ADGRB3: variants seen among roughly 807,000 people sequenced by gnomAD.
ADGRB3 encodes brain-specific angiogenesis inhibitor 3.
A neutral mutation model predicts 193.4 loss-of-function variants in ADGRB3; 37 were observed. The ratio of observed to expected loss-of-function variants is 0.19; its 90% CI spans 0.15 to 0.25. The LOEUF (loss-of-function observed/expected upper bound fraction) is 0.25, where lower values mean the gene tolerates loss of function less well. Ranked by LOEUF, ADGRB3 falls within the 10% of genes least tolerant of loss-of-function variation. ADGRB3 has a pLI of 1.00. For synonymous variants in ADGRB3, 690 were observed against 644.2 expected, an observed-to-expected ratio of 1.07 and a Z score of -1.08; for missense variants, 1,637 against 1,852.9, an observed-to-expected ratio of 0.88 and a Z score of 2.14.
chr6:69,089,009 AAGG>A (rs1257075340), intron 17 of ADGRB3, among the ~76,000 whole-genome samples: 4 of 152,230 alleles, frequency 2.6e-5, no homozygotes, highest in African/African-American at 9.6e-5. Context: ...AGGTTTAGAA[AAGG>A]AGGTTTGCAG....
At chr6:68,753,254 C>G (rs1766236406) in intron 3 of ADGRB3, among the ~76,000 whole-genome samples, 1 of 152,126 alleles carries the variant, frequency 6.6e-6, no homozygotes, top group Admixed American at 6.6e-5. Flanking sequence ...ATCTATTCTC[C>G]ATAGGAGATT....
chr6:68,980,015 T>C (rs1768862284), intron 10 of ADGRB3, among the ~76,000 whole-genome samples: 1 of 151,322 alleles, frequency 6.6e-6, no homozygotes, highest in Admixed American at 6.6e-5. Flanking sequence ...CTCCTAAATT[T>C]ATTGGACAGG....
chr6:68,898,843 G>A (rs548934025), intron 3 of ADGRB3, among the ~76,000 whole-genome samples: 1 of 152,192 alleles, frequency 6.6e-6, no homozygotes, highest in African/African-American at 2.4e-5. Context: ...GCAAATTCCA[G>A]TTGAGAAAAT....
At chr6:68,978,568 C>A (rs942058702) in intron 10 of ADGRB3, among the ~76,000 whole-genome samples, 1 of 151,458 alleles carries the variant, frequency 6.6e-6, no homozygotes, top group Non-Finnish European at 1.5e-5. Context: ...ACATCAGCCT[C>A]ATCATCCACA....
intron 20 of ADGRB3, among the ~76,000 whole-genome samples, chr6:69,317,460 A>T: frequency 6.6e-6 from 1 of 151,468 alleles, no homozygotes; most frequent in East Asian, 1.9e-4. Flanking sequence ...GACAATGCTG[A>T]GCTGTGTTGG....
chr6:68,801,442 C>G (rs1275476342), intron 3 of ADGRB3, among the ~76,000 whole-genome samples: 1 of 152,072 alleles, frequency 6.6e-6, no homozygotes, highest in East Asian at 1.9e-4. Flanking sequence ...AATCCCAGCA[C>G]TATGGGAGGC....
chr6:69,282,879 T>C (rs1767465707), intron 20 of ADGRB3, among the ~76,000 whole-genome samples: 2 of 152,176 alleles, frequency 1.3e-5, no homozygotes, highest in Admixed American at 1.3e-4. Context: ...CAAAGCTTGA[T>C]AAGATACCTG....
intron 3 of ADGRB3, among the ~76,000 whole-genome samples, chr6:68,793,582 G>A (rs1329698854): frequency 6.6e-6 from 1 of 152,094 alleles, no homozygotes; most frequent in African/African-American, 2.4e-5. Context: ...AGGCTAGAGT[G>A]CAGTGGCACG....
At chr6:69,053,193 T>A (rs1266734597) in intron 15 of ADGRB3, among the ~76,000 whole-genome samples, 1 of 151,702 alleles carries the variant, frequency 6.6e-6, no homozygotes, top group Non-Finnish European at 1.5e-5. Flanking sequence ...TAAAAAAAAA[T>A]GTATAGAACC....
intron 3 of ADGRB3, among the ~76,000 whole-genome samples, chr6:68,843,868 A>G (rs1469239126): frequency 1.3e-5 from 2 of 152,152 alleles, no homozygotes; most frequent in African/African-American, 2.4e-5. Flanking sequence ...AAACAAATCC[A>G]TACACCTACA....
chr6:69,002,320 G>A (rs2150279514), intron 11 of ADGRB3, among the ~76,000 whole-genome samples: 1 of 151,444 alleles, frequency 6.6e-6, no homozygotes, highest in African/African-American at 2.4e-5. Context: ...CCTGGTTCAA[G>A]CGATTCTCCT....
chr6:68,956,699 A>G lies in ADGRB3; in HGVS notation c.1415A>G (p.Asp472Gly). The change falls in exon 8 of 32, where the codon GAT (aspartate) becomes GGT (glycine). Residue 472 changes from aspartate to glycine, a missense_variant. Coordinates refer to ENST00000370598, the MANE Select transcript of ADGRB3 (RefSeq NM_001704.3). ...GHWSGCSKSCDGGWERRIRTC... is the reference protein window; with the variant it reads ...GHWSGCSKSCGGGWERRIRTC... ...TGGAGTGGTTGTTCCAAGTCCTGTG[A>G]TGGCGGCTGGGAAAGGCGAATAAGG... 1 of 1,614,042 alleles carries G rather than the reference A, an allele frequency of 6.2e-7. No individual in the cohort carries two copies. The highest frequency in any genetic ancestry group is 8.5e-7 in the Non-Finnish European group (1 of 1,179,978).
At chr6:68,992,883 C>A (rs1217421130) in intron 10 of ADGRB3, among the ~76,000 whole-genome samples, 1 of 150,416 alleles carries the variant, frequency 6.6e-6, no homozygotes, top group African/African-American at 2.5e-5. Context: ...CACTATTTCT[C>A]TGGCCTGTTA....
At chr6:68,889,795 C>T (rs1049339250) in intron 3 of ADGRB3, among the ~76,000 whole-genome samples, 45 of 152,112 alleles carry the variant, frequency 3.0e-4, no homozygotes, top group African/African-American at 4.8e-5. Flanking sequence ...AGCCACCATG[C>T]CTGGCCTAAG....
intron 17 of ADGRB3, among the ~76,000 whole-genome samples, chr6:69,088,908 T>A (rs1772628258): frequency 2.6e-5 from 4 of 152,240 alleles, no homozygotes; most frequent in Admixed American, 2.6e-4. Context: ...GAAATTATTT[T>A]CATAATTACT....
chr6:68,838,365 T>A (rs1252183913), intron 3 of ADGRB3, among the ~76,000 whole-genome samples: 1 of 152,218 alleles, frequency 6.6e-6, no homozygotes, highest in African/African-American at 2.4e-5. Context: ...CCTGAGGTTA[T>A]ATGCAGCAAT....
chr6:68,988,072 C>T (rs960991), intron 10 of ADGRB3, among the ~76,000 whole-genome samples: 15,604 of 152,100 alleles, frequency 0.1, 1,622 homozygotes, highest in East Asian at 0.56. Context: ...ATAAAATCCT[C>T]CTGTAGTTTT....
chr6:68,869,547 A>C (rs1438782734), intron 3 of ADGRB3, among the ~76,000 whole-genome samples: 1 of 152,194 alleles, frequency 6.6e-6, no homozygotes, highest in East Asian at 1.9e-4. Flanking sequence ...TTAGCAAGCA[A>C]CATTTGTAGA....
At chr6:68,748,951 G>C (rs1385426204) in intron 3 of ADGRB3, among the ~76,000 whole-genome samples, 2 of 152,190 alleles carry the variant, frequency 1.3e-5, no homozygotes, top group African/African-American at 2.4e-5. Flanking sequence ...CCAAGGCTTA[G>C]GGCCTCCACC....
Sources: allele counts gnomAD v4.1 joint callset (sites outside exome capture counted in the v4.1 genomes callset), GRCh38; gene constraint gnomAD v4.1.1; transcripts MANE v1.5; gene names NCBI Gene and HGNC (gene_info 2026-07-23, HGNC 2026-07-21).